Variants in SYNE1 observed in about 807,000 individuals in gnomAD.
The protein encoded by SYNE1 is nesprin-1.
A neutral mutation model predicts 1,111.0 loss-of-function variants in SYNE1; 616 were observed. That is an observed-to-expected ratio of 0.55 (90% confidence interval 0.52 to 0.59). SYNE1 has a LOEUF of 0.59. SYNE1 is among the 20% of genes least tolerant of loss of function. SYNE1 has a pLI of 0.00. For missense variants in SYNE1, 10,006 were observed against 10,417.0 expected (o/e 0.96, Z 1.72); for synonymous variants, 3,855 against 3,825.8 (o/e 1.01, Z -0.28).
rs776652313 is a variant in SYNE1, at chr6:152,336,847, T to C, written c.12522A>G (p.Gln4174=). 2 of 1,613,356 alleles carry C rather than the reference T, an allele frequency of 1.2e-6. No individual in the cohort carries two copies. The highest frequency in any genetic ancestry group is 1.3e-5 in the African/African-American group (1 of 74,920). The change falls in exon 76 of 146, where the codon CAA becomes CAG. Residue 4174 remains glutamine, a synonymous_variant. Transcript: ENST00000367255. ...ELNIAQNMVS[Q]VKDFVKKLQS... Reference sequence around the variant, plus strand: ...GGGGCAAATTAATTCCCACCTTAACTTGTGAAACCATGTTCTGTGCAATGT... The same window carrying C: ...GGGGCAAATTAATTCCCACCTTAACCTGTGAAACCATGTTCTGTGCAATGT...
chr6:152,249,140 G>A, intron 105 of SYNE1, 21 bp downstream of exon 105: 1 of 1,502,244 alleles, frequency 6.7e-7, no homozygotes, highest in Non-Finnish European at 9.3e-7. Flanking sequence ...TTCTCTTCTA[G>A]GAAAAGGCAG....
chr6:152,399,688 G>A lies in SYNE1; in HGVS notation c.7165C>T (p.His2389Tyr), dbSNP rs2097783621. 2.5e-6 allele frequency: 4 copies of A among 1,614,098 alleles called. No homozygotes were observed. The highest frequency in any genetic ancestry group is 2.7e-5 in the African/African-American group (2 of 75,016). ...GRAMTGLIKKHEAVSQLCSKT... is the reference protein window; with the variant it reads ...GRAMTGLIKKYEAVSQLCSKT... ...GAGCACAACTGGCTCACGGCTTCAT[G>A]TTTCTTTATCAGACCAGTCATTGCA... is the stretch of plus-strand genomic sequence containing the variant. Residue 2389 changes from histidine (H) to tyrosine (Y), a missense_variant, in exon 48 of 146, where the codon CAT (histidine) becomes TAT (tyrosine). Transcript: ENST00000367255.
chr6:152,132,807 A>G (rs1232229652), intron 143 of SYNE1, among the ~76,000 whole-genome samples: 2 of 152,102 alleles, frequency 1.3e-5, no homozygotes, highest in Non-Finnish European at 1.5e-5. Context: ...AACCAATAAT[A>G]CCACAATGGA....
chr6:152,141,224 T>C lies in SYNE1; in HGVS notation c.25225A>G (p.Ser8409Gly), dbSNP rs200377339. 1.2e-5 allele frequency: 20 copies of C among 1,614,158 alleles called. No homozygotes were observed. In the East Asian group the frequency reaches 4.0e-4, roughly 32 times the overall value. Residue 8409 changes from serine (S) to glycine (G), a missense_variant, in exon 139 of 146, where the codon AGT becomes GGT. Physicochemically the swap from Ser to Gly is moderately conservative, Grantham distance 56 (BLOSUM62 0). Around this residue, in one of 7 missense-constraint regions of SYNE1, gnomAD observed 761 missense variants for 795.5 expected, o/e 0.96. Transcript: ENST00000367255. ...TCACCAGCCGTTTGGGTTTCGGTAC[T>C]ATGCAGGTTAACAAAGCCAGGAAGG... ...ESLPGFVNLH[S>G]TETQTAGVID...
intron 108 of SYNE1, among the ~76,000 whole-genome samples, chr6:152,238,017 G>A (rs2084626496): frequency 6.6e-6 from 1 of 152,116 alleles, no homozygotes; most frequent in Non-Finnish European, 1.5e-5. Context: ...AGGGATCTGG[G>A]AGTAAATAAA....
chr6:152,455,734 AT>A lies in SYNE1; in HGVS notation c.2728-145del, dbSNP rs745788312. On this transcript the variant is annotated intron_variant, in intron 23 of 145. Coordinates refer to ENST00000367255, the MANE Select transcript of SYNE1 (RefSeq NM_182961.4). ...GAATAATTAACTCTTTTCAATATTA[AT>A]TAATATTAGGTAAAAAAGTAGGACA... 2.0e-4 allele frequency: 283 copies of A among 1,394,312 alleles called. 7 individuals are homozygous for A. The South Asian group carries it at 3.2e-3, about 16-fold the overall frequency. 86.4% of individuals were successfully genotyped at this position (1,394,312 alleles called of 1,614,324 possible).
chr6:152,461,578 C>G lies in SYNE1; in HGVS notation c.2394+19G>C. 2 of 1,613,852 alleles carry G rather than the reference C, an allele frequency of 1.2e-6. No homozygotes were observed. Among genetic ancestry groups the G allele is most frequent in the Non-Finnish European group, 1.7e-6 (2 of 1,179,858 alleles). On this transcript the variant is annotated intron_variant, in intron 21 of 145. Transcript: ENST00000367255. ...TGTTGGTGTCACACAGCCTATTGTGCATTAAATTATTTTCGCACCTTGGTT... is the reference window on the plus strand; with the variant it reads ...TGTTGGTGTCACACAGCCTATTGTGGATTAAATTATTTTCGCACCTTGGTT...
chr6:152,577,201 A>G (rs1044316145), intron 3 of SYNE1, among the ~76,000 whole-genome samples: 4 of 152,224 alleles, frequency 2.6e-5, no homozygotes, highest in African/African-American at 9.7e-5. Flanking sequence ...GCAGGGCTTT[A>G]AAGAAGTCAC....
chr6:152,448,956 T>G (rs917372946), intron 28 of SYNE1, among the ~76,000 whole-genome samples: 15 of 152,204 alleles, frequency 9.9e-5, no homozygotes, highest in African/African-American at 3.1e-4. Flanking sequence ...TTAAAAATGT[T>G]CAAAGATGAA....
intron 101 of SYNE1, among the ~76,000 whole-genome samples, chr6:152,259,827 A>T (rs913228030): frequency 3.3e-5 from 5 of 152,196 alleles, no homozygotes; most frequent in Non-Finnish European, 5.9e-5. Flanking sequence ...TGTACAAATG[A>T]CCAGCGATTG....
intron 133 of SYNE1, among the ~76,000 whole-genome samples, chr6:152,152,967 C>T (rs181417822): frequency 1.3e-3 from 192 of 152,178 alleles, no homozygotes; most frequent in African/African-American, 2.8e-3. Context: ...GCATAAGAGT[C>T]ATTTGGCCAA....
In SYNE1 at chr6:152,224,542, C is replaced by A; in HGVS notation, c.21474G>T (p.Leu7158=). The A allele has an allele frequency of 6.2e-7, 1 of 1,614,022 alleles. No individual in the cohort carries two copies. The highest frequency in any genetic ancestry group is 8.5e-7 in the Non-Finnish European group (1 of 1,179,960). The change falls in exon 117 of 146, where the codon CTG becomes CTT. Residue 7158 remains leucine, a synonymous_variant. Coordinates refer to ENST00000367255, the MANE Select transcript of SYNE1 (RefSeq NM_182961.4). ...GCACAGCTTCTAAGGAGCCAGTCAG[C>A]AGACGGAATCGGGAAAGAGAGTATC... ...EARYSLSRFR[L]LTGSLEAVQV...
chr6:152,609,299 C>A (rs868266814), intron 3 of SYNE1, among the ~76,000 whole-genome samples: 1 of 152,070 alleles, frequency 6.6e-6, no homozygotes, highest in Admixed American at 6.5e-5. Flanking sequence ...GTCTTAGCAA[C>A]CAGAAGACAA....
At chr6:152,471,870 C>T (rs1593383404) in intron 15 of SYNE1, 105 bp from the exon 16 acceptor site, 4 of 1,119,710 alleles carry the variant, frequency 3.6e-6, no homozygotes, top group East Asian at 2.4e-5. Context: ...CAGCCACAAG[C>T]TCTTCTAACT....
chr6:152,462,871 A>G lies in SYNE1; in HGVS notation c.2117T>C (p.Met706Thr), dbSNP rs781427493. ...EVKQYAQADE[M>T]DRMKKEYTDC... ...TGTGTATTCCTTCTTCATTCTGTCC[A>G]TCTCATCAGCTTGAGCATACTGTTA... The change falls in exon 20 of 146, where the codon ATG becomes ACG. Residue 706 changes from methionine (M) to threonine (T), a missense_variant. Physicochemically the swap from Met to Thr is moderately conservative, Grantham distance 81. Transcript: ENST00000367255. The G allele has an allele frequency of 6.2e-7, 1 of 1,613,940 alleles. No homozygotes were observed. Among genetic ancestry groups the G allele is most frequent in the South Asian group, 1.1e-5 (1 of 91,076 alleles).
chr6:152,619,499 A>G (rs563063132), intron 3 of SYNE1, among the ~76,000 whole-genome samples: 2 of 152,290 alleles, frequency 1.3e-5, no homozygotes, highest in Admixed American at 1.3e-4. Flanking sequence ...CTGTAGTGCC[A>G]TACTTTCTCT....
intron 95 of SYNE1, among the ~76,000 whole-genome samples, chr6:152,287,591 G>A (rs928818892): frequency 2.0e-5 from 3 of 152,110 alleles, no homozygotes; most frequent in Admixed American, 6.5e-5. Context: ...CCTGTTGCTC[G>A]TGCTGGAGTC....
intron 93 of SYNE1, among the ~76,000 whole-genome samples, chr6:152,294,377 A>G (rs2094763716): frequency 6.6e-6 from 1 of 152,238 alleles, no homozygotes; most frequent in African/African-American, 2.4e-5. Context: ...CAAGTTGCCA[A>G]AACTCAATCT....
chr6:152,321,518 T>C (rs1482871211), intron 83 of SYNE1, 128 bp from the exon 84 acceptor site: 4 of 1,311,198 alleles, frequency 3.1e-6, no homozygotes, highest in Non-Finnish European at 4.2e-6. Flanking sequence ...TACAACATTG[T>C]TCTTTTGTCT....
Sources: gnomAD v4.1 joint callset for allele counts (sites outside exome capture counted in the v4.1 genomes callset) on GRCh38, gnomAD v4.1.1 for gene constraint, gnomAD v4.1.1 regional missense constraint, MANE v1.5 for transcripts, NCBI Gene and HGNC (gene_info 2026-07-23, HGNC 2026-07-21) for gene names.